FUT9: variants seen among roughly 807,000 people sequenced by gnomAD.
The protein encoded by FUT9 is 4-galactosyl-N-acetylglucosaminide 3-alpha-L-fucosyltransferase 9.
In FUT9, 15 loss-of-function variants were observed where a neutral mutation model predicts 29.7. The observed-to-expected ratio is 0.51, with a 90% confidence interval of 0.34 to 0.78. The LOEUF (loss-of-function observed/expected upper bound fraction) is 0.78. FUT9 is among the 30% of genes least tolerant of loss of function. FUT9 has a pLI of 0.01. For missense variants in FUT9, 319 were observed against 425.4 expected, an observed-to-expected ratio of 0.75 and a Z score of 2.20; for synonymous variants, 169 against 153.7, an observed-to-expected ratio of 1.10 and a Z score of -0.74.
chr6:96,153,566 C>A (rs1328737771), intron 2 of FUT9, among the ~76,000 whole-genome samples: 4 of 152,092 alleles, frequency 2.6e-5, no homozygotes, highest in Non-Finnish European at 5.9e-5. Context: ...TTAGAAAATA[C>A]AAATCCTATG....
At chr6:96,180,280 C>G (rs747732967) in intron 2 of FUT9, among the ~76,000 whole-genome samples, 6 of 151,968 alleles carry the variant, frequency 3.9e-5, no homozygotes, top group Non-Finnish European at 8.8e-5. Flanking sequence ...AGCATAGTGG[C>G]ATTTTTCTCA....
intron 1 of FUT9, among the ~76,000 whole-genome samples, chr6:96,099,161 A>G (rs1308665816): frequency 2.0e-5 from 3 of 151,926 alleles, no homozygotes; most frequent in Non-Finnish European, 4.4e-5. Context: ...AAAGTTCACA[A>G]TTTTCTCTGG....
chr6:96,054,669 A>C (rs1181183228), intron 1 of FUT9, among the ~76,000 whole-genome samples: 1 of 152,216 alleles, frequency 6.6e-6, no homozygotes, highest in Non-Finnish European at 1.5e-5. Context: ...TGAAGTTGGA[A>C]GTTTAGGCAG....
At chr6:96,019,107 G>C (rs1770027692) in intron 1 of FUT9, among the ~76,000 whole-genome samples, 1 of 151,798 alleles carries the variant, frequency 6.6e-6, no homozygotes, top group Admixed American at 6.6e-5. Context: ...AGTAAAATCT[G>C]AGCATCAGAG....
chr6:96,127,682 T>G (rs1373968916), intron 2 of FUT9, among the ~76,000 whole-genome samples: 2 of 152,196 alleles, frequency 1.3e-5, no homozygotes, highest in Non-Finnish European at 2.9e-5. Flanking sequence ...CTCCTCAACC[T>G]TGCCAGCATC....
chr6:96,067,365 A>G (rs1273625434), intron 1 of FUT9, among the ~76,000 whole-genome samples: 1 of 151,414 alleles, frequency 6.6e-6, no homozygotes, highest in Non-Finnish European at 1.5e-5. Flanking sequence ...GACCTTGTGT[A>G]CTTTGTCAAG....
Position 96,208,700 on chromosome 6 carries a change from G to T in FUT9, c.*4465G>T, listed in dbSNP as rs562870260. 7 of 166,646 alleles carry T rather than the reference G, an allele frequency of 4.2e-5. No homozygotes were observed. Among genetic ancestry groups the T allele is most frequent in the African/African-American group, 1.7e-4 (7 of 41,402 alleles). The allele number at this position is 166,646 out of a possible 1,614,324, so 10.3% of individuals were successfully genotyped here. On this transcript the variant is annotated 3_prime_UTR_variant, in exon 3 of 3. Coordinates refer to ENST00000302103, the MANE Select transcript of FUT9 (RefSeq NM_006581.4). ...GTAACATCTCAAGAAAGATTAGAAAGGATTTGGATCACGTTAACATTCTAT... is the reference window on the plus strand; with the variant it reads ...GTAACATCTCAAGAAAGATTAGAAATGATTTGGATCACGTTAACATTCTAT...
intron 2 of FUT9, among the ~76,000 whole-genome samples, chr6:96,148,196 T>C (rs1411679354): frequency 6.6e-6 from 1 of 152,140 alleles, no homozygotes; most frequent in Non-Finnish European, 1.5e-5. Flanking sequence ...TCACTAAGCT[T>C]GGAATGTAAA....
intron 2 of FUT9, 61 bp from the exon 3 acceptor site, chr6:96,203,087 A>T (rs1005513508): frequency 6.0e-5 from 75 of 1,257,180 alleles, no homozygotes; most frequent in Non-Finnish European, 7.6e-5. Flanking sequence ...TCTCCAATAT[A>T]TTTATGATTT....
At chr6:96,173,794 G>A (rs1582284838) in intron 2 of FUT9, among the ~76,000 whole-genome samples, 1 of 151,322 alleles carries the variant, frequency 6.6e-6, no homozygotes, top group Admixed American at 6.6e-5. Context: ...CTCTAATACT[G>A]TCTATCTCCT....
intron 1 of FUT9, among the ~76,000 whole-genome samples, chr6:96,035,024 G>T (rs1004221059): frequency 1.3e-5 from 2 of 151,698 alleles, no homozygotes; most frequent in South Asian, 4.1e-4. Context: ...TTTTCTAAAA[G>T]CTCTGATAAA....
At chr6:96,032,206 C>T (rs1005791762) in intron 1 of FUT9, among the ~76,000 whole-genome samples, 1 of 151,468 alleles carries the variant, frequency 6.6e-6, no homozygotes. Flanking sequence ...CTTTGTTTCC[C>T]GGAGGAGTCG....
chr6:96,023,789 C>A (rs959655109), intron 1 of FUT9, among the ~76,000 whole-genome samples: 1 of 151,898 alleles, frequency 6.6e-6, no homozygotes, highest in African/African-American at 2.4e-5. Flanking sequence ...TAAAACACTG[C>A]ATCTCTTAGC....
intron 2 of FUT9, among the ~76,000 whole-genome samples, chr6:96,161,020 G>T (rs1382229814): frequency 6.6e-6 from 1 of 152,102 alleles, no homozygotes; most frequent in Non-Finnish European, 1.5e-5. Flanking sequence ...ATTAAGATGG[G>T]TTATATTCCT....
chr6:96,073,494 T>C (rs180677199), intron 1 of FUT9, among the ~76,000 whole-genome samples: 128 of 150,648 alleles, frequency 8.5e-4, no homozygotes, highest in Non-Finnish European at 1.4e-3. Context: ...ATGGTATTAC[T>C]GATAAACATG....
intron 2 of FUT9, among the ~76,000 whole-genome samples, chr6:96,177,885 T>A (rs1773233605): frequency 6.6e-6 from 1 of 152,194 alleles, no homozygotes; most frequent in South Asian, 2.1e-4. Context: ...TTCTTAAAAT[T>A]ATTACTCTTC....
intron 2 of FUT9, among the ~76,000 whole-genome samples, chr6:96,195,864 G>A (rs1035008190): frequency 6.6e-6 from 1 of 152,136 alleles, no homozygotes; most frequent in Admixed American, 6.6e-5. Context: ...TGATAGTGAA[G>A]ATCACAATGA....
intron 1 of FUT9, among the ~76,000 whole-genome samples, chr6:96,025,707 C>G (rs1770156003): frequency 1.3e-5 from 2 of 151,628 alleles, no homozygotes; most frequent in Non-Finnish European, 3.0e-5. Context: ...GCCTGCAGGG[C>G]TCTCATCTTT....
chr6:96,160,254 G>A (rs1772871618), intron 2 of FUT9, among the ~76,000 whole-genome samples: 1 of 152,142 alleles, frequency 6.6e-6, no homozygotes, highest in Non-Finnish European at 1.5e-5. Context: ...TGGCTCTGAT[G>A]AAGAGTCAGG....
Sources: gnomAD v4.1 joint callset for allele counts (sites outside exome capture counted in the v4.1 genomes callset) on GRCh38, gnomAD v4.1.1 for gene constraint, MANE v1.5 for transcripts, NCBI Gene and HGNC (gene_info 2026-07-23, HGNC 2026-07-21) for gene names.